Variants in NLN observed in about 807,000 individuals in gnomAD.
NLN encodes neurolysin, also known as neurolysin, mitochondrial.
Under a neutral mutation model 79.9 loss-of-function variants are expected in NLN, and 64 were observed. The ratio of observed to expected loss-of-function variants is 0.80; its 90% CI spans 0.65 to 0.99. The LOEUF is 0.99. Ranked by LOEUF, NLN falls within the 50% of genes least tolerant of loss-of-function variation. The probability of loss-of-function intolerance (pLI) is 0.00; values close to 1 mark genes in which losing one functional copy is unlikely to be tolerated. For missense variants in NLN, 835 were observed against 858.7 expected (o/e 0.97, Z 0.34); for synonymous variants, 267 against 296.6 (o/e 0.90, Z 1.02).
At chr5:65,759,019 T>C (rs940191052) in intron 2 of NLN, among the ~76,000 whole-genome samples, 193 bp downstream of exon 2, 1 of 152,246 alleles carries the variant, frequency 6.6e-6, no homozygotes, top group African/African-American at 2.4e-5. Context: ...CTGATTACAC[T>C]GCTCTCTGGA....
intron 1 of NLN, among the ~76,000 whole-genome samples, chr5:65,750,155 T>A (rs1759072914): frequency 6.6e-6 from 1 of 152,208 alleles, no homozygotes; most frequent in African/African-American, 2.4e-5. Flanking sequence ...AGGAATGGGA[T>A]CATCCAGTCA....
intron 6 of NLN, 67 bp from the exon 7 acceptor site, chr5:65,785,708 C>A: frequency 7.9e-7 from 1 of 1,272,640 alleles, no homozygotes; most frequent in South Asian, 1.3e-5. Context: ...TACAGTAATT[C>A]TTCCTTTTAG....
intron 9 of NLN, among the ~76,000 whole-genome samples, chr5:65,796,285 C>CAG (rs2150766527): frequency 6.6e-6 from 1 of 152,326 alleles, no homozygotes; most frequent in Non-Finnish European, 1.5e-5. Context: ...ACCATGTATT[C>CAG]CATCAGTTCT....
intron 1 of NLN, among the ~76,000 whole-genome samples, chr5:65,738,484 G>A (rs1470194800): frequency 6.6e-6 from 1 of 151,088 alleles, no homozygotes; most frequent in Non-Finnish European, 1.5e-5. Context: ...GAGGTGAGAG[G>A]ATAGCTTGAG....
At chr5:65,810,332 G>A (rs1224508561) in intron 11 of NLN, among the ~76,000 whole-genome samples, 167 bp downstream of exon 11, 3 of 152,120 alleles carry the variant, frequency 2.0e-5, no homozygotes, top group Non-Finnish European at 2.9e-5. Context: ...GAGTTATCCC[G>A]TCCAAATGCG....
At chr5:65,742,439 T>C (rs1758890642) in intron 1 of NLN, among the ~76,000 whole-genome samples, 2 of 152,134 alleles carry the variant, frequency 1.3e-5, no homozygotes, top group African/African-American at 2.4e-5. Context: ...AAAGAGACTG[T>C]ACAATGAAGG....
rs1760962127 is a variant in NLN at position 65,828,519 on chromosome 5, A to T, written c.*5604A>T. ...TTTTCAAATTCTTGAAGGAAATGGG[A>T]GAGAGAATAGGCTAATTCTGTATTG... On this transcript the variant is annotated 3_prime_UTR_variant, in exon 13 of 13. Coordinates refer to ENST00000380985, the MANE Select transcript of NLN (RefSeq NM_020726.5). 1 of 152,238 alleles carries T rather than the reference A, an allele frequency of 6.6e-6. No homozygotes were observed. Among genetic ancestry groups the T allele is most frequent in the Non-Finnish European group, 1.5e-5 (1 of 68,042 alleles). The allele number at this position is 152,238 out of a possible 1,614,324, so 9.4% of individuals were successfully genotyped here. A position where few individuals can be genotyped will look rare whatever the true frequency, so the allele number is the denominator to read the frequency against.
At chr5:65,749,092 T>C (rs1759047967) in intron 1 of NLN, among the ~76,000 whole-genome samples, 1 of 152,186 alleles carries the variant, frequency 6.6e-6, no homozygotes, top group Admixed American at 6.5e-5. Flanking sequence ...TGCTCCTCCT[T>C]CTCCTTCTGC....
intron 5 of NLN, 85 bp downstream of exon 5, chr5:65,780,366 A>G (rs948931473): frequency 3.4e-6 from 2 of 585,138 alleles, no homozygotes; most frequent in South Asian, 4.6e-5. Context: ...TCCAGATACA[A>G]AATTTCTAAA....
intron 2 of NLN, 80 bp downstream of exon 2, chr5:65,758,906 T>C: frequency 2.3e-6 from 3 of 1,322,890 alleles, no homozygotes; most frequent in Admixed American, 2.0e-5. Context: ...CTTTCAGTTT[T>C]CCAGTTTTAC....
chr5:65,734,687 C>T (rs77873719), intron 1 of NLN, among the ~76,000 whole-genome samples: 2,456 of 152,158 alleles, frequency 0.016, 73 homozygotes, highest in African/African-American at 0.056. Flanking sequence ...TGGTCAACAC[C>T]GAAAGGAAAA....
chr5:65,725,628 G>A (rs1231918584), intron 1 of NLN, among the ~76,000 whole-genome samples: 5 of 152,234 alleles, frequency 3.3e-5, no homozygotes. Flanking sequence ...CAAGCTCACA[G>A]TGGCAGATAG....
In NLN at chr5:65,828,952, A is replaced by AC. The variant is rs199653320; in HGVS notation, c.*6039dup. ...GTGAAAGTTTATCCAGAGGTTAATT[A>AC]CCGGTTTTCTGGTGGGTATCTGGGA... On this transcript the variant is annotated 3_prime_UTR_variant, in exon 13 of 13. Coordinates refer to ENST00000380985, the MANE Select transcript of NLN (RefSeq NM_020726.5). 4,196 of 152,224 alleles carry AC rather than the reference A, an allele frequency of 0.028. 132 individuals carry two copies. Among genetic ancestry groups the AC allele is most frequent in the African/African-American group, 0.075 (3,096 of 41,494 alleles). 9.4% of individuals were successfully genotyped at this position (152,224 alleles called of 1,614,324 possible).
chr5:65,738,958 T>C (rs1304556112), intron 1 of NLN, among the ~76,000 whole-genome samples: 1 of 90,068 alleles, frequency 1.1e-5, no homozygotes, highest in Non-Finnish European at 2.1e-5. Flanking sequence ...TGTTTATATA[T>C]ATGTATATAT....
At chr5:65,729,676 G>A (rs759978317) in intron 1 of NLN, among the ~76,000 whole-genome samples, 5 of 152,086 alleles carry the variant, frequency 3.3e-5, no homozygotes, top group Non-Finnish European at 5.9e-5. Context: ...GCTCCGCCGA[G>A]GATTGATTTC....
intron 1 of NLN, among the ~76,000 whole-genome samples, chr5:65,724,945 G>A (rs1040081902): frequency 6.6e-6 from 1 of 151,672 alleles, no homozygotes; most frequent in Non-Finnish European, 1.5e-5. Context: ...GGGACTACAG[G>A]CGCCCGCAAC....
chr5:65,730,729 G>A (rs1379305529), intron 1 of NLN, among the ~76,000 whole-genome samples: 2 of 151,848 alleles, frequency 1.3e-5, no homozygotes, highest in Non-Finnish European at 2.9e-5. Flanking sequence ...GCTAATTTTT[G>A]TATTTTTTGT....
intron 12 of NLN, among the ~76,000 whole-genome samples, chr5:65,820,396 C>T (rs1371550411): frequency 6.6e-6 from 1 of 152,130 alleles, no homozygotes; most frequent in Non-Finnish European, 1.5e-5. Flanking sequence ...TTAAGTTTTT[C>T]ATAATAAAAT....
rs376854588 is a variant in NLN, at chr5:65,792,660, GTTTT to G, written c.1527+12_1527+15del. 5.1e-5 allele frequency: 77 copies of G among 1,516,970 alleles called. No individual in the cohort carries two copies. Among genetic ancestry groups the G allele is most frequent in the Non-Finnish European group, 6.7e-5 (74 of 1,109,598 alleles). 94.0% of individuals were successfully genotyped at this position (1,516,970 alleles called of 1,614,324 possible). On this transcript the variant is annotated splice_donor_region_variant and intron_variant, in intron 9 of 12. Transcript: ENST00000380985. ...ATGCATCAGATTTGTGCACAGGTGAGTTTTTTTTTTCCCCCAGTAAACCTGCCAA... is the reference window on the plus strand; with the variant it reads ...ATGCATCAGATTTGTGCACAGGTGAGTTTTTTCCCCCAGTAAACCTGCCAA...
Sources: allele counts gnomAD v4.1 joint callset (sites outside exome capture counted in the v4.1 genomes callset), GRCh38; gene constraint gnomAD v4.1.1; transcripts MANE v1.5; gene names NCBI Gene and HGNC (gene_info 2026-07-23, HGNC 2026-07-21).